The following SMURF2 variants were observed in gnomAD, a reference collection of about 807,000 sequenced individuals.
The protein encoded by SMURF2 is SMAD specific E3 ubiquitin protein ligase 2.
In SMURF2, 48 loss-of-function variants were observed where a neutral mutation model predicts 109.6. That is an observed-to-expected ratio of 0.44 (90% CI 0.35 to 0.56). The LOEUF (loss-of-function observed/expected upper bound fraction) is 0.56. SMURF2 is among the 20% of genes least tolerant of loss of function. SMURF2 has a pLI of 0.01. For missense variants in SMURF2, 575 were observed against 909.0 expected, an observed-to-expected ratio of 0.63 and a Z score of 4.72; for synonymous variants, 288 against 317.1, an observed-to-expected ratio of 0.91 and a Z score of 0.97.
intron 1 of SMURF2, among the ~76,000 whole-genome samples, chr17:64,630,455 T>A (rs373724558): frequency 8.5e-5 from 13 of 152,274 alleles, no homozygotes; most frequent in African/African-American, 3.1e-4. Context: ...ACTCTGCAAG[T>A]GTGCAGAGAG....
intron 5 of SMURF2, among the ~76,000 whole-genome samples, chr17:64,589,795 T>C (rs1969724357): frequency 6.6e-6 from 1 of 152,064 alleles, no homozygotes; most frequent in South Asian, 2.1e-4. Flanking sequence ...TAGTTCATTA[T>C]GTATTACAAT....
chr17:64,583,730 CTAAAG>C (rs1969608069), intron 6 of SMURF2, among the ~76,000 whole-genome samples, 186 bp from the exon 7 acceptor site: 1 of 152,098 alleles, frequency 6.6e-6, no homozygotes, highest in African/African-American at 2.4e-5. Flanking sequence ...TCTGAAGCTT[CTAAAG>C]TATTTATGCT....
chr17:64,605,250 T>C (rs1359803206), intron 2 of SMURF2, among the ~76,000 whole-genome samples: 2 of 152,178 alleles, frequency 1.3e-5, no homozygotes, highest in African/African-American at 2.4e-5. Flanking sequence ...AAACTGCTTA[T>C]AATTTGCGTC....
At chr17:64,566,575 T>TGTTTTTTTTTTG (rs1969311435) in intron 10 of SMURF2, among the ~76,000 whole-genome samples, 1 of 103,264 alleles carries the variant, frequency 9.7e-6, no homozygotes. Context: ...TTTTTTTTTT[T>TGTTTTTTTTTTG]TTTTTTTTTT....
At chr17:64,570,849 C>T (rs1555685488) in intron 10 of SMURF2, among the ~76,000 whole-genome samples, 2 of 152,194 alleles carry the variant, frequency 1.3e-5, no homozygotes, top group Non-Finnish European at 2.9e-5. Context: ...GGCGCGATCA[C>T]AGCTCACTGC....
chr17:64,547,903 G>T lies in SMURF2; in HGVS notation c.1870-102C>A. 1 of 941,358 alleles carries T rather than the reference G, an allele frequency of 1.1e-6. No individual in the cohort carries two copies. The highest frequency in any genetic ancestry group is 1.7e-6 in the Non-Finnish European group (1 of 603,424). The allele number at this position is 941,358 out of a possible 1,614,324, so 58.3% of individuals were successfully genotyped here. A position where few individuals can be genotyped will look rare whatever the true frequency, so the allele number is the denominator to read the frequency against. ...TTTGTACTGCTGGCTGTCATTTGGTGGTTCCTAATTAAAGATGCACATCAG... is the reference window on the plus strand; with the variant it reads ...TTTGTACTGCTGGCTGTCATTTGGTTGTTCCTAATTAAAGATGCACATCAG... On this transcript the variant is annotated intron_variant, in intron 16 of 18. Transcript: ENST00000262435. This position sits in a 1 kb window ranked among gnomAD's most constrained non-coding sequence, Gnocchi z 4.2.
chr17:64,588,799 T>A (rs1382593152), intron 5 of SMURF2, among the ~76,000 whole-genome samples: 1 of 151,880 alleles, frequency 6.6e-6, no homozygotes. Flanking sequence ...AATTTTTGTA[T>A]TTTTTAGTAA....
intron 10 of SMURF2, among the ~76,000 whole-genome samples, chr17:64,568,790 C>G (rs1428884506): frequency 1.3e-5 from 2 of 150,766 alleles, no homozygotes; most frequent in African/African-American, 4.9e-5. Context: ...TCACTTGAGG[C>G]CAAGAGTTGG....
intron 10 of SMURF2, 97 bp downstream of exon 10, chr17:64,571,701 G>A: frequency 5.4e-6 from 7 of 1,290,004 alleles, no homozygotes; most frequent in South Asian, 1.6e-5. Context: ...TTAAAGGCGT[G>A]AGCCACTGTA....
chr17:64,584,637 G>GT (rs1468571306), intron 6 of SMURF2, among the ~76,000 whole-genome samples: 4 of 152,038 alleles, frequency 2.6e-5, no homozygotes, highest in African/African-American at 9.7e-5. Context: ...GATTACAGGC[G>GT]TAAGCCACCA....
intron 16 of SMURF2, among the ~76,000 whole-genome samples, chr17:64,550,709 G>C (rs1331691283): frequency 6.6e-6 from 1 of 151,078 alleles, no homozygotes; most frequent in Non-Finnish European, 1.5e-5. Context: ...GAATCCAGGA[G>C]GTGGAGGTTG....
At chr17:64,613,207 T>C (rs1380872149) in intron 1 of SMURF2, among the ~76,000 whole-genome samples, 2 of 152,174 alleles carry the variant, frequency 1.3e-5, no homozygotes, top group Non-Finnish European at 2.9e-5. Context: ...CTCTTTTCAT[T>C]CTCTGTTCTA....
intron 1 of SMURF2, among the ~76,000 whole-genome samples, chr17:64,636,488 G>A (rs1018833913): frequency 4.6e-5 from 7 of 151,658 alleles, no homozygotes; most frequent in Admixed American, 2.6e-4. Context: ...CTGTAATCCC[G>A]GCTACGCGGG....
At chr17:64,615,181 A>G (rs566159207) in intron 1 of SMURF2, among the ~76,000 whole-genome samples, 1 of 152,268 alleles carries the variant, frequency 6.6e-6, no homozygotes, top group East Asian at 1.9e-4. Flanking sequence ...ACTACTTAGT[A>G]TATCCTTGCC....
intron 10 of SMURF2, among the ~76,000 whole-genome samples, chr17:64,564,928 G>T (rs1444294468): frequency 6.6e-6 from 1 of 152,184 alleles, no homozygotes; most frequent in Non-Finnish European, 1.5e-5. Flanking sequence ...AGGGACAGAA[G>T]AAATCACAAA....
At chr17:64,579,833 C>T (rs569432178) in intron 8 of SMURF2, among the ~76,000 whole-genome samples, 72 of 152,268 alleles carry the variant, frequency 4.7e-4, no homozygotes, top group Admixed American at 1.1e-3. Flanking sequence ...AGCCAGGATA[C>T]GAACCTAGGT....
intron 8 of SMURF2, among the ~76,000 whole-genome samples, chr17:64,579,015 T>G (rs1969539540): frequency 6.6e-6 from 1 of 152,202 alleles, no homozygotes; most frequent in African/African-American, 2.4e-5. Context: ...ACTTATGTTT[T>G]CTCTTTGCTA....
At chr17:64,613,897 G>A (rs1256531874) in intron 1 of SMURF2, among the ~76,000 whole-genome samples, 4 of 152,016 alleles carry the variant, frequency 2.6e-5, no homozygotes, top group African/African-American at 9.7e-5. Context: ...GGAGCCCTGA[G>A]CTTGTTTTCC....
chr17:64,560,436 G>T (rs1399710174), intron 12 of SMURF2, among the ~76,000 whole-genome samples: 6 of 152,030 alleles, frequency 3.9e-5, no homozygotes, highest in African/African-American at 1.5e-4. Context: ...CCATCCGTAG[G>T]TTTAAAAGGT....
Sources: gnomAD v4.1 joint callset for allele counts (sites outside exome capture counted in the v4.1 genomes callset) on GRCh38, gnomAD v4.1.1 for gene constraint, Gnocchi (gnomAD v3.1) non-coding constraint, MANE v1.5 for transcripts, NCBI Gene and HGNC (gene_info 2026-07-23, HGNC 2026-07-21) for gene names.